KIF23: variants seen among roughly 807,000 people sequenced by gnomAD.
KIF23 encodes kinesin family member 23.
A neutral mutation model predicts 137.5 loss-of-function variants in KIF23; 30 were observed. The ratio of observed to expected loss-of-function variants is 0.22; its 90% CI spans 0.16 to 0.30. The LOEUF (loss-of-function observed/expected upper bound fraction) is 0.30, where lower values mean the gene tolerates loss of function less well. Among genes scored for constraint, KIF23 ranks in the 10% least tolerant of loss-of-function variants. The pLI is 1.00. For synonymous variants in KIF23, 367 were observed against 391.1 expected, an observed-to-expected ratio of 0.94 and a Z score of 0.73; for missense variants, 920 against 1,194.3, an observed-to-expected ratio of 0.77 and a Z score of 3.38.
intron 19 of KIF23, chr15:69,443,933 C>T (rs1396693977): frequency 6.6e-6 from 1 of 150,512 alleles, no homozygotes; most frequent in Non-Finnish European, 1.5e-5. Context: ...GCACGTGTCA[C>T]CAAGCCCAGC....
chr15:69,427,084 C>A (rs2057214734), intron 10 of KIF23, among the ~76,000 whole-genome samples: 1 of 151,806 alleles, frequency 6.6e-6, no homozygotes, highest in South Asian at 2.1e-4. Context: ...GAGTTTGAGA[C>A]CAGCCTGGAC....
intron 15 of KIF23, 110 bp from the exon 16 acceptor site, chr15:69,438,138 A>G: frequency 1.1e-6 from 1 of 934,876 alleles, no homozygotes; most frequent in East Asian, 2.7e-5. Flanking sequence ...ACTGATTCTC[A>G]CAGAGATTTG....
chr15:69,436,761 T>A lies in KIF23; in HGVS notation c.1597+39T>A, dbSNP rs752477060. On this transcript the variant is annotated intron_variant, in intron 15 of 23. Coordinates refer to ENST00000679126, the MANE Select transcript of KIF23 (RefSeq NM_001367805.3). ...TATTTGAAATAATTTTATTTAATTA[T>A]TTTTTTTTTTTGAGACATAGTTTCA... 79 of 483,664 alleles carry A rather than the reference T, an allele frequency of 1.6e-4. 1 individual carries two copies. The Middle Eastern group carries it at 2.4e-3, about 14-fold the overall frequency. 30.0% of individuals were successfully genotyped at this position (483,664 alleles called of 1,614,324 possible).
At chr15:69,435,095 G>C (rs564478132) in intron 11 of KIF23, 2 of 488,104 alleles carry the variant, frequency 4.1e-6, no homozygotes, top group African/African-American at 3.9e-5. Flanking sequence ...GAAGCGGGAC[G>C]GTGGCCTGGG....
At position 69,440,034 on chromosome 15, in the gene KIF23, A is replaced by G; in HGVS notation, c.1886A>G (p.Gln629Arg). 1 of 1,613,986 alleles carries G rather than the reference A, an allele frequency of 6.2e-7. No individual in the cohort carries two copies. Among genetic ancestry groups the G allele is most frequent in the Non-Finnish European group, 8.5e-7 (1 of 1,180,004 alleles). The change falls in exon 17 of 24, where the codon CAA (glutamine) becomes CGA (arginine). Residue 629 changes from glutamine (Q) to arginine (R), a missense_variant. By Grantham distance (43) the Gln-to-Arg change is conservative. Coordinates refer to ENST00000679126, the MANE Select transcript of KIF23 (RefSeq NM_001367805.3). Reference protein sequence around the residue: ...SDKRRLEARLQGMVTETTMKW... With the variant: ...SDKRRLEARLRGMVTETTMKW... The stretch of plus-strand genomic sequence containing the variant: ...AAACGCAGATTAGAAGCCAGGTTGC[A>G]AGGCATGGTGACAGAAACGACAATG...
At position 69,443,396 on chromosome 15, in the gene KIF23, T is replaced by C. The variant is rs547081371; in HGVS notation, c.2422-1394T>C. Among the ~76,000 whole-genome samples the C allele has an allele frequency of 2.6e-4, 34 of 132,878 alleles. 1 individual carries two copies. The highest frequency in any genetic ancestry group is 8.2e-4 in the African/African-American group (29 of 35,566). 87.2% of individuals were successfully genotyped at this position (132,878 alleles called of 152,430 possible). On this transcript the variant is annotated intron_variant, in intron 19 of 23. Transcript: ENST00000679126. ...ATCTGTTGCCCAGGCTGGAGTGCAGTGGTGTCATCTAGGCTCACTGCAGCC... is the reference window on the plus strand; with the variant it reads ...ATCTGTTGCCCAGGCTGGAGTGCAGCGGTGTCATCTAGGCTCACTGCAGCC...
chr15:69,445,375 A>G (rs1213139163), intron 20 of KIF23, among the ~76,000 whole-genome samples: 1 of 152,200 alleles, frequency 6.6e-6, no homozygotes, highest in Admixed American at 6.5e-5. Context: ...CCATCAGTTC[A>G]AGATAAAAAA....
chr15:69,447,868 T>A lies in KIF23; in HGVS notation c.*61T>A, dbSNP rs553528873. The A allele has an allele frequency of 6.4e-7, 1 of 1,561,816 alleles. No homozygotes were observed. The highest frequency in any genetic ancestry group is 8.8e-7 in the Non-Finnish European group (1 of 1,135,488). On this transcript the variant is annotated 3_prime_UTR_variant, in exon 24 of 24. Coordinates refer to ENST00000679126, the MANE Select transcript of KIF23 (RefSeq NM_001367805.3). ...TGTGTGGATGATTTCTCGAAAGCCA[T>A]GCCAGAAGCAGTCTTCCAGGTCATC...
intron 1 of KIF23, chr15:69,414,885 T>C (rs557910486): frequency 5.9e-5 from 11 of 185,476 alleles, no homozygotes; most frequent in Non-Finnish European, 8.9e-5. Context: ...GGTGGTCTCG[T>C]GTGTGGAGCA....
chr15:69,440,373 G>C lies in KIF23; in HGVS notation c.1995G>C (p.Leu665=), dbSNP rs2140398906. ...QNKLWVKDEK[L]KQLKAIVTEP... is the part of the protein sequence containing the mutation. The stretch of plus-strand genomic sequence containing the variant: ...AACTCTGGGTTAAAGATGAAAAGCT[G>C]AAACAACTGAAGGCTATTGTTACCG... The change falls in exon 18 of 24, where the codon CTG becomes CTC. Residue 665 remains leucine (L), a synonymous_variant. Transcript: ENST00000679126. 1 of 1,614,006 alleles carries C rather than the reference G, an allele frequency of 6.2e-7. No individual in the cohort carries two copies. The highest frequency in any genetic ancestry group is 1.1e-5 in the South Asian group (1 of 91,072).
chr15:69,421,388 CAA>C (rs1039506296), intron 3 of KIF23, among the ~76,000 whole-genome samples: 1 of 149,126 alleles, frequency 6.7e-6, no homozygotes, highest in Admixed American at 6.7e-5. Flanking sequence ...AACTCTGTCT[CAA>C]AAAAAAAGAG....
In KIF23 at chr15:69,439,897, T is replaced by G; in HGVS notation, c.1756-7T>G. 6.2e-7 allele frequency: 1 copy of G among 1,605,438 alleles called. No individual in the cohort carries two copies. The highest frequency in any genetic ancestry group is 8.5e-7 in the Non-Finnish European group (1 of 1,174,382). Reference sequence around the variant, plus strand: ...CAAATATTGAACATAGTGGTCTACCTTCCTAGATTGAGATTTTAGAGAAAA... The same window carrying G: ...CAAATATTGAACATAGTGGTCTACCGTCCTAGATTGAGATTTTAGAGAAAA... On this transcript the variant is annotated splice_region_variant and splice_polypyrimidine_tract_variant and intron_variant, in intron 16 of 23. Coordinates refer to ENST00000679126, the MANE Select transcript of KIF23 (RefSeq NM_001367805.3).
chr15:69,428,402 T>C (rs2057260110), intron 10 of KIF23, among the ~76,000 whole-genome samples: 1 of 151,716 alleles, frequency 6.6e-6, no homozygotes. Context: ...ACCCCTGTAA[T>C]CCCAAGCACT....
intron 11 of KIF23, among the ~76,000 whole-genome samples, chr15:69,429,565 C>G (rs988055888): frequency 1.3e-4 from 20 of 152,088 alleles, no homozygotes; most frequent in Non-Finnish European, 2.1e-4. Context: ...CTTGGCCGCC[C>G]CAAAGTCTTG....
chr15:69,428,017 G>C (rs1439940793), intron 10 of KIF23, among the ~76,000 whole-genome samples: 1 of 152,176 alleles, frequency 6.6e-6, no homozygotes, highest in East Asian at 1.9e-4. Flanking sequence ...CCAGCACTTT[G>C]GGAGGCCAAG....
At chr15:69,430,763 T>C (rs1378385406) in intron 11 of KIF23, among the ~76,000 whole-genome samples, 1 of 152,144 alleles carries the variant, frequency 6.6e-6, no homozygotes, top group Non-Finnish European at 1.5e-5. Flanking sequence ...GAATTTTATC[T>C]TGAAGGAATA....
rs1014182728 is a variant in KIF23, at chr15:69,436,140, A to G, written c.1317A>G (p.Gln439=). The G allele has an allele frequency of 3.7e-6, 6 of 1,611,316 alleles. No homozygotes were observed. The African/African-American group carries it at 5.4e-5, about 14-fold the overall frequency. The stretch of plus-strand genomic sequence containing the variant: ...ACTCCATTTGTTTTGTGTTTTAGCA[A>G]GTCATGAGATTTGCGGAAGTGACTC... ...PKAEDYEENL[Q]VMRFAEVTQE... is the part of the protein sequence containing the mutation. The change falls in exon 14 of 24, where the codon CAA becomes CAG. Residue 439 remains glutamine (Q), a splice_region_variant and synonymous_variant. Transcript: ENST00000679126.
intron 11 of KIF23, chr15:69,434,509 G>T: frequency 1.4e-5 from 10 of 713,348 alleles, no homozygotes; most frequent in Non-Finnish European, 2.5e-5. Context: ...TGACCACGCC[G>T]TGTATGCCAG....
chr15:69,441,439 T>A (rs1260386144), intron 19 of KIF23, among the ~76,000 whole-genome samples: 2 of 152,218 alleles, frequency 1.3e-5, no homozygotes, highest in Admixed American at 1.3e-4. Context: ...CAAATTAGAT[T>A]TTTTATACCT....
Sources: allele counts gnomAD v4.1 joint callset (sites outside exome capture counted in the v4.1 genomes callset), GRCh38; gene constraint gnomAD v4.1.1; transcripts MANE v1.5; gene names NCBI Gene and HGNC (gene_info 2026-07-23, HGNC 2026-07-21).